Variants in TVP23A observed in about 807,000 individuals in gnomAD.
TVP23A encodes the protein Golgi apparatus membrane protein TVP23 homolog A.
In TVP23A, 21 loss-of-function variants were observed where a neutral mutation model predicts 31.7. The ratio of observed to expected loss-of-function variants is 0.66; its 90% CI spans 0.47 to 0.95. TVP23A has a LOEUF of 0.95. Ranked by LOEUF, TVP23A falls within the 40% of genes least tolerant of loss-of-function variation. The pLI is 0.00. For synonymous variants in TVP23A, 104 were observed against 96.0 expected (o/e 1.08, Z -0.49); for missense variants, 279 against 255.6 (o/e 1.09, Z -0.62).
chr16:10,768,751 T>C lies in TVP23A; in HGVS notation c.*351A>G. 3.1e-6 allele frequency: 1 copy of C among 324,266 alleles called. No homozygotes were observed. The highest frequency in any genetic ancestry group is 8.3e-4 in the Middle Eastern group (1 of 1,208). The allele number at this position is 324,266 out of a possible 1,614,324, so 20.1% of individuals were successfully genotyped here. A position where few individuals can be genotyped will look rare whatever the true frequency, so the allele number is the denominator to read the frequency against. ...GTTAAAGCTGTGGTCTCTGAGTTTGTGGCTGGGTTTTACTTGCCTAGAAGA... is the reference window on the plus strand; with the variant it reads ...GTTAAAGCTGTGGTCTCTGAGTTTGCGGCTGGGTTTTACTTGCCTAGAAGA... On this transcript the variant is annotated 3_prime_UTR_variant, in exon 8 of 8. Transcript: ENST00000299866. This position sits in a 1 kb window ranked among gnomAD's most constrained non-coding sequence, Gnocchi z 4.3.
rs895708574 is a variant in TVP23A at position 10,766,965 on chromosome 16, C to T, written c.*2137G>A. On this transcript the variant is annotated 3_prime_UTR_variant, in exon 8 of 8. Transcript: ENST00000299866. This position sits in a 1 kb window ranked among gnomAD's most constrained non-coding sequence, Gnocchi z 4.8. ...CCTGACTCACTGGGCCATATGGGCT[C>T]CCCATCTCCCACCAACCCCTCCCCA... is the stretch of plus-strand genomic sequence containing the variant. 4.8e-5 allele frequency: 19 copies of T among 398,582 alleles called. No individual in the cohort carries two copies. In the East Asian group the frequency reaches 6.4e-4, roughly 13 times the overall value. The allele number at this position is 398,582 out of a possible 1,614,324, so 24.7% of individuals were successfully genotyped here.
intron 2 of TVP23A, among the ~76,000 whole-genome samples, chr16:10,776,112 C>G (rs1429278046): frequency 6.6e-6 from 1 of 151,690 alleles, no homozygotes; most frequent in Non-Finnish European, 1.5e-5. Context: ...CGGTGGCTCA[C>G]ACCTGTAATG....
At chr16:10,801,231 G>C (rs2033680546) in intron 2 of TVP23A, among the ~76,000 whole-genome samples, 1 of 152,054 alleles carries the variant, frequency 6.6e-6, no homozygotes, top group Non-Finnish European at 1.5e-5. Context: ...TTTAGTAGTG[G>C]CACAGCTCAA....
At chr16:10,793,375 G>A (rs1321690362) in intron 2 of TVP23A, among the ~76,000 whole-genome samples, 1 of 152,162 alleles carries the variant, frequency 6.6e-6, no homozygotes, top group Non-Finnish European at 1.5e-5. Flanking sequence ...CAAGTTGGGG[G>A]GGTGCCTCTG....
chr16:10,782,542 T>C, intron 2 of TVP23A, among the ~76,000 whole-genome samples: 1 of 151,716 alleles, frequency 6.6e-6, no homozygotes, highest in East Asian at 1.9e-4. Flanking sequence ...TCACTCTGTC[T>C]CCCAGGCTGG....
chr16:10,777,877 G>A lies in TVP23A; in HGVS notation c.90-2781C>T, dbSNP rs1388251191. Among the ~76,000 whole-genome samples, 1 of 152,154 alleles carries A rather than the reference G, an allele frequency of 6.6e-6. No homozygotes were observed. Among genetic ancestry groups the A allele is most frequent in the Admixed American group, 6.5e-5 (1 of 15,286 alleles). ...AATACAAAAATTAGCTGAGCGTGGT[G>A]GTGGGCGCCTGTAGTCCCAGCTACT... is the stretch of plus-strand genomic sequence containing the variant. On this transcript the variant is annotated intron_variant, in intron 2 of 7. Coordinates refer to ENST00000299866, the MANE Select transcript of TVP23A (RefSeq NM_001079512.4). This position sits in a 1 kb window ranked among gnomAD's most constrained non-coding sequence, Gnocchi z 4.5.
rs949347479 is a variant in TVP23A at position 10,777,891 on chromosome 16, G to A, written c.90-2795C>T. Among the ~76,000 whole-genome samples the A allele has an allele frequency of 1.3e-5, 2 of 151,934 alleles. No individual in the cohort carries two copies. The highest frequency in any genetic ancestry group is 2.9e-5 in the Non-Finnish European group (2 of 67,988). ...CTGAGCGTGGTGGTGGGCGCCTGTA[G>A]TCCCAGCTACTCGGGACGCTGAGGC... On this transcript the variant is annotated intron_variant, in intron 2 of 7. Transcript: ENST00000299866. The surrounding 1 kb of genome is among the most constrained non-coding windows in gnomAD (Gnocchi z 4.5).
chr16:10,769,346 A>C lies in TVP23A; in HGVS notation c.*1-245T>G, dbSNP rs181737616. ...CCGTTTTAAGAATAAAACCCCCTCA[A>C]ATCTCTCCCCCGAGGCCTGTTTCAC... is the stretch of plus-strand genomic sequence containing the variant. On this transcript the variant is annotated intron_variant, in intron 7 of 7. Coordinates refer to ENST00000299866, the MANE Select transcript of TVP23A (RefSeq NM_001079512.4). 7.8e-4 allele frequency: 344 copies of C among 442,480 alleles called. No homozygotes were observed. The Middle Eastern group carries it at 8.3e-3, about 11-fold the overall frequency. 27.4% of individuals were successfully genotyped at this position (442,480 alleles called of 1,614,324 possible).
At chr16:10,789,818 G>A (rs1334554382) in intron 2 of TVP23A, among the ~76,000 whole-genome samples, 1 of 146,802 alleles carries the variant, frequency 6.8e-6, no homozygotes, top group African/African-American at 2.6e-5. Context: ...ATGACAGAGT[G>A]AGACTCTGTC....
downstream of TVP23A, among the ~76,000 whole-genome samples, chr16:10,764,053 G>T (rs570702688): frequency 6.6e-6 from 1 of 151,128 alleles, no homozygotes; most frequent in South Asian, 2.1e-4. Flanking sequence ...CCAGCCCAAA[G>T]GAGCATCTCA....
At chr16:10,780,492 T>G (rs2032357729) in intron 2 of TVP23A, among the ~76,000 whole-genome samples, 1 of 152,178 alleles carries the variant, frequency 6.6e-6, no homozygotes. Flanking sequence ...CTTTTAATAT[T>G]TAACTTCACC....
chr16:10,758,124 C>G (rs1397585243), downstream of TVP23A: 1 of 1,401,964 alleles, frequency 7.1e-7, no homozygotes, highest in African/African-American at 1.4e-5. Context: ...CACCAAGGCT[C>G]TTCCCAGTGT....
At chr16:10,776,299 T>C (rs926240890) in intron 2 of TVP23A, among the ~76,000 whole-genome samples, 4 of 151,656 alleles carry the variant, frequency 2.6e-5, no homozygotes, top group African/African-American at 9.7e-5. Context: ...CACTAGAACC[T>C]GGGAGGCGGA....
At chr16:10,783,887 A>G (rs1360678057) in intron 2 of TVP23A, among the ~76,000 whole-genome samples, 2 of 152,120 alleles carry the variant, frequency 1.3e-5, no homozygotes, top group Non-Finnish European at 2.9e-5. Context: ...AAAAGGCAAC[A>G]CTCTAGAGAC....
chr16:10,802,794 C>T (rs2142998408), intron 2 of TVP23A, among the ~76,000 whole-genome samples: 1 of 152,250 alleles, frequency 6.6e-6, no homozygotes, highest in Admixed American at 6.5e-5. Context: ...AAATCCCCAC[C>T]ACTCTGTAAA....
At chr16:10,774,257 T>C (rs1177641898) in intron 3 of TVP23A, 129 bp from the exon 4 acceptor site, 3 of 592,420 alleles carry the variant, frequency 5.1e-6, no homozygotes, top group Non-Finnish European at 8.6e-6. Context: ...AGGCCTTGAA[T>C]TGTAGTGGAT....
downstream of TVP23A, among the ~76,000 whole-genome samples, chr16:10,764,296 A>C (rs566218201): frequency 6.6e-6 from 1 of 152,280 alleles, no homozygotes; most frequent in South Asian, 2.1e-4. Context: ...AGTCTGCTGG[A>C]GTATTTGTCT....
chr16:10,807,823 G>A (rs192732843), intron 2 of TVP23A, among the ~76,000 whole-genome samples: 95 of 152,286 alleles, frequency 6.2e-4, no homozygotes, highest in African/African-American at 1.8e-3. Context: ...GAGTATCTGC[G>A]CACAATGTAA....
Position 10,777,551 on chromosome 16 carries a change from T to G in TVP23A, c.90-2455A>C, listed in dbSNP as rs548694458. Among the ~76,000 whole-genome samples, 513 of 152,152 alleles carry G rather than the reference T, an allele frequency of 3.4e-3. 4 individuals are homozygous for G. The highest frequency in any genetic ancestry group is 0.012 in the African/African-American group (485 of 41,488). On this transcript the variant is annotated intron_variant, in intron 2 of 7. Coordinates refer to ENST00000299866, the MANE Select transcript of TVP23A (RefSeq NM_001079512.4). This position sits in a 1 kb window ranked among gnomAD's most constrained non-coding sequence, Gnocchi z 4.5. The stretch of plus-strand genomic sequence containing the variant: ...CCTCTACAACTGTGGGGCTTCCGAC[T>G]CCCAGGGGAATGTTAAGATTCAGAA...
Sources: allele counts gnomAD v4.1 joint callset (sites outside exome capture counted in the v4.1 genomes callset), GRCh38; gene constraint gnomAD v4.1.1; non-coding constraint Gnocchi (gnomAD v3.1); transcripts MANE v1.5; gene names NCBI Gene and HGNC (gene_info 2026-07-23, HGNC 2026-07-21).